Variants in FAM13B observed in about 807,000 individuals in gnomAD.
The protein encoded by FAM13B is protein FAM13B.
Under a neutral mutation model 117.3 loss-of-function variants are expected in FAM13B, and 60 were observed. The ratio of observed to expected loss-of-function variants is 0.51; its 90% CI spans 0.42 to 0.63. The LOEUF (loss-of-function observed/expected upper bound fraction) is 0.63. FAM13B is among the 30% of genes least tolerant of loss of function. The pLI is 0.00. For missense variants in FAM13B, 972 were observed against 1,091.9 expected (o/e 0.89, Z 1.55); for synonymous variants, 332 against 356.1 (o/e 0.93, Z 0.76).
chr5:138,032,351 G>A (rs886682997), intron 1 of FAM13B, among the ~76,000 whole-genome samples: 1 of 152,244 alleles, frequency 6.6e-6, no homozygotes, highest in African/African-American at 2.4e-5. Context: ...GCGCAGTTGA[G>A]CCCAGAATAA....
At chr5:138,040,989 G>T (rs1791482960) in intron 1 of FAM13B, among the ~76,000 whole-genome samples, 1 of 151,404 alleles carries the variant, frequency 6.6e-6, no homozygotes, top group Non-Finnish European at 1.5e-5. Context: ...ACTTGAACCT[G>T]GGAGGCAGAG....
At chr5:138,004,039 T>C (rs993442882) in intron 7 of FAM13B, among the ~76,000 whole-genome samples, 1 of 151,954 alleles carries the variant, frequency 6.6e-6, no homozygotes, top group African/African-American at 2.4e-5. Context: ...GAGGCTGAGG[T>C]GGGCAGATCA....
intron 23 of FAM13B, among the ~76,000 whole-genome samples, chr5:137,941,033 GTAGCTGGAAC>G (rs990857575): frequency 2.0e-5 from 3 of 152,070 alleles, no homozygotes; most frequent in African/African-American, 7.2e-5. Flanking sequence ...AGCCTCTAGA[GTAGCTGGAAC>G]TACAGGTGCC....
chr5:137,939,920 G>C lies in FAM13B; in HGVS notation c.*305C>G. Reference sequence around the variant, plus strand: ...TTGCATTTCCAAAGTTCTTGAAGTTGAAAGGATAAAATTCCAGTCTTTTGC... The same window carrying C: ...TTGCATTTCCAAAGTTCTTGAAGTTCAAAGGATAAAATTCCAGTCTTTTGC... On this transcript the variant is annotated 3_prime_UTR_variant, in exon 24 of 24. Transcript: ENST00000689681. 1.5e-6 allele frequency: 2 copies of C among 1,329,376 alleles called. No homozygotes were observed. Among genetic ancestry groups the C allele is most frequent in the Middle Eastern group, 2.8e-4 (1 of 3,554 alleles). 82.3% of individuals were successfully genotyped at this position (1,329,376 alleles called of 1,614,324 possible).
chr5:137,972,297 G>C (rs1445983209), intron 10 of FAM13B, among the ~76,000 whole-genome samples: 1 of 150,928 alleles, frequency 6.6e-6, no homozygotes, highest in Non-Finnish European at 1.5e-5. Context: ...GGGATGCAAG[G>C]CTGGTTCAAT....
intron 1 of FAM13B, among the ~76,000 whole-genome samples, chr5:138,028,224 C>CA (rs924912151): frequency 9.9e-5 from 15 of 151,182 alleles, no homozygotes; most frequent in Middle Eastern, 3.4e-3. Flanking sequence ...AAAATAAAAC[C>CA]AAAAAAAAGA....
chr5:137,994,120 G>A (rs1456391500), intron 7 of FAM13B, among the ~76,000 whole-genome samples: 1 of 152,116 alleles, frequency 6.6e-6, no homozygotes, highest in African/African-American at 2.4e-5. Flanking sequence ...AAAACTACAA[G>A]TATATATAAA....
chr5:137,952,232 A>T (rs774636176), intron 17 of FAM13B, among the ~76,000 whole-genome samples: 1 of 152,202 alleles, frequency 6.6e-6, no homozygotes, highest in Non-Finnish European at 1.5e-5. Flanking sequence ...CACTGTGATT[A>T]GACATTCTTA....
intron 1 of FAM13B, among the ~76,000 whole-genome samples, chr5:138,024,470 T>G (rs1303719804): frequency 6.6e-6 from 1 of 151,544 alleles, no homozygotes; most frequent in Non-Finnish European, 1.5e-5. Flanking sequence ...TCTACCCTCC[T>G]CAACTGTGAG....
chr5:138,014,455 C>G (rs1784796775), intron 4 of FAM13B, among the ~76,000 whole-genome samples: 1 of 152,208 alleles, frequency 6.6e-6, no homozygotes, highest in Admixed American at 6.5e-5. Flanking sequence ...GATGTACATT[C>G]TTTATGAGAA....
chr5:137,959,074 CT>C (rs1164883430), intron 13 of FAM13B, among the ~76,000 whole-genome samples: 1 of 152,152 alleles, frequency 6.6e-6, no homozygotes, highest in East Asian at 1.9e-4. Flanking sequence ...ATGTTGTTTG[CT>C]TGTTAAATTT....
rs1338703274 is a variant in FAM13B at position 137,985,274 on chromosome 5, T to A, written c.1162A>T (p.Asn388Tyr). ...TTCCTTACCTGGGTATTTTCTTCAT[T>A]CTCAAATACACAATCTTGCTGCATA... ...EAMQQDCVFE[N>Y]EENTQSVGIL... The change falls in exon 10 of 24, where the codon AAT (asparagine) becomes TAT (tyrosine). Residue 388 changes from asparagine (N) to tyrosine (Y), a missense_variant. Asn to Tyr is a moderately radical substitution (Grantham distance 143). Transcript: ENST00000689681. 1 of 1,613,372 alleles carries A rather than the reference T, an allele frequency of 6.2e-7. No homozygotes were observed.
chr5:137,982,211 G>A (rs549300521), intron 10 of FAM13B, among the ~76,000 whole-genome samples: 1 of 152,268 alleles, frequency 6.6e-6, no homozygotes, highest in Admixed American at 6.5e-5. Context: ...GTGAGAGGAT[G>A]GCAGTAGAAA....
chr5:138,020,589 A>G (rs1296595765), intron 2 of FAM13B, among the ~76,000 whole-genome samples: 1 of 152,154 alleles, frequency 6.6e-6, no homozygotes, highest in Non-Finnish European at 1.5e-5. Context: ...TTACGTAGGA[A>G]AAGAGTATTT....
rs537749725 is a variant in FAM13B, at chr5:137,969,908, G to GA, written c.1180-7440dup. Among the ~76,000 whole-genome samples the GA allele has an allele frequency of 1.6e-3, 239 of 152,216 alleles. 2 individuals carry two copies. Among genetic ancestry groups the GA allele is most frequent in the African/African-American group, 5.4e-3 (224 of 41,542 alleles). On this transcript the variant is annotated intron_variant, in intron 10 of 23. Transcript: ENST00000689681. ...AATGAAGCGAGAAGGGAAGTTTAGA[G>GA]AAAAAAGAATAAAAAGAAATGAGCA... is the stretch of plus-strand genomic sequence containing the variant.
intron 18 of FAM13B, among the ~76,000 whole-genome samples, chr5:137,946,706 C>T (rs916854846): frequency 5.9e-5 from 9 of 152,212 alleles, no homozygotes; most frequent in African/African-American, 1.7e-4. Flanking sequence ...ACACTGCCTA[C>T]CTAGCACAGA....
At chr5:138,045,650 T>C (rs1304236085) in intron 1 of FAM13B, among the ~76,000 whole-genome samples, 1 of 152,056 alleles carries the variant, frequency 6.6e-6, no homozygotes, top group Non-Finnish European at 1.5e-5. Flanking sequence ...AATGGCTCTT[T>C]TATAAAGTTC....
intron 6 of FAM13B, among the ~76,000 whole-genome samples, chr5:138,008,374 C>T (rs1051842599): frequency 1.3e-5 from 2 of 152,044 alleles, no homozygotes; most frequent in Non-Finnish European, 1.5e-5. Context: ...CCCAGGAGGT[C>T]GGGGCTGCAG....
chr5:137,950,002 G>A (rs531283202), intron 17 of FAM13B, among the ~76,000 whole-genome samples: 2 of 152,022 alleles, frequency 1.3e-5, no homozygotes, highest in Non-Finnish European at 2.9e-5. Flanking sequence ...GAGAGAACAA[G>A]CTATTATTTT....
Sources: gnomAD v4.1 joint callset for allele counts (sites outside exome capture counted in the v4.1 genomes callset) on GRCh38, gnomAD v4.1.1 for gene constraint, MANE v1.5 for transcripts, NCBI Gene and HGNC (gene_info 2026-07-23, HGNC 2026-07-21) for gene names.